Variants in PRKAR1A observed in about 807,000 individuals in gnomAD.
PRKAR1A encodes protein kinase cAMP-dependent type I regulatory subunit alpha, also known as cAMP-dependent protein kinase type I-alpha regulatory subunit.
A neutral mutation model predicts 52.0 loss-of-function variants in PRKAR1A; 3 were observed. The observed-to-expected ratio is 0.06, with a 90% CI of 0.03 to 0.15. PRKAR1A has a LOEUF of 0.15. PRKAR1A is among the 10% of genes least tolerant of loss of function. PRKAR1A has a pLI of 1.00. For synonymous variants in PRKAR1A, 188 were observed against 168.4 expected (o/e 1.12, Z -0.90); for missense variants, 240 against 477.4 (o/e 0.50, Z 4.63).
intron 11 of PRKAR1A, among the ~76,000 whole-genome samples, chr17:68,542,540 C>A (rs1034817316): frequency 9.2e-5 from 14 of 152,132 alleles, no homozygotes; most frequent in African/African-American, 3.1e-4. Context: ...TATGGTCAGG[C>A]AGACCATGGT....
the PRKAR1A span, among the ~76,000 whole-genome samples, chr17:68,475,987 TTA>T: frequency 1.3e-5 from 2 of 152,126 alleles, no homozygotes; most frequent in Non-Finnish European, 2.9e-5. Context: ...GGGGGGGTTA[TTA>T]TGTTTTGTTG....
the PRKAR1A span, among the ~76,000 whole-genome samples, chr17:68,491,479 G>T: frequency 6.6e-6 from 1 of 152,152 alleles, no homozygotes; most frequent in Admixed American, 6.6e-5. Context: ...GCTGCAAAGG[G>T]GCTGGACTTC....
intron 2 of PRKAR1A, 50 bp from the exon 3 acceptor site, chr17:68,522,706 A>G: frequency 6.3e-7 from 1 of 1,594,564 alleles, no homozygotes; most frequent in South Asian, 1.1e-5. Context: ...TGAGAGTGCC[A>G]GCTTTACATG....
chr17:68,522,875 T>C lies in PRKAR1A; in HGVS notation c.297T>C (p.Ala99=), dbSNP rs1349355906. The change falls in exon 3 of 11, where the codon GCT becomes GCC. Residue 99 remains alanine, a synonymous_variant. Coordinates refer to ENST00000589228, the MANE Select transcript of PRKAR1A (RefSeq NM_002734.5). ...TTAAAGGTAGGAGGCGACGAGGTGC[T>C]ATCAGCGCTGAGGTCTACACGGAGG... The part of the protein sequence containing the change: ...PVVKGRRRRG[A]ISAEVYTEED... 1 of 1,613,474 alleles carries C rather than the reference T, an allele frequency of 6.2e-7. No individual in the cohort carries two copies. Among genetic ancestry groups the C allele is most frequent in the Non-Finnish European group, 8.5e-7 (1 of 1,179,734 alleles).
the PRKAR1A span, among the ~76,000 whole-genome samples, chr17:68,434,346 G>A: frequency 7.5e-4 from 114 of 152,246 alleles, 1 homozygote; most frequent in African/African-American, 2.7e-3. Flanking sequence ...GGACTCTCAC[G>A]GCTGAACTGT....
chr17:68,496,454 C>A, the PRKAR1A span, among the ~76,000 whole-genome samples: 2 of 152,196 alleles, frequency 1.3e-5, no homozygotes, highest in African/African-American at 4.8e-5. Flanking sequence ...TGTGATTACA[C>A]CGGCCACGTC....
intron 9 of PRKAR1A, 101 bp from the exon 10 acceptor site, chr17:68,529,819 G>GC: frequency 9.3e-7 from 1 of 1,077,692 alleles, no homozygotes; most frequent in Non-Finnish European, 1.4e-6. Context: ...TTTATCATAT[G>GC]CACACATTTG....
chr17:68,417,810 C>T, the PRKAR1A span, among the ~76,000 whole-genome samples: 8 of 122,630 alleles, frequency 6.5e-5, no homozygotes, highest in South Asian at 2.7e-4. Context: ...TGCAGTGGCA[C>T]GATCTCGGCT....
the PRKAR1A span, chr17:68,421,653 C>T: frequency 7.1e-7 from 1 of 1,410,290 alleles, no homozygotes. Flanking sequence ...AGCAGTGGAG[C>T]ACCCGGGATT....
intron 10 of PRKAR1A, 87 bp downstream of exon 10, chr17:68,530,088 C>T: frequency 1.4e-5 from 22 of 1,527,638 alleles, no homozygotes; most frequent in Non-Finnish European, 2.0e-5. Context: ...ATTTTGTCTT[C>T]TCCTGAATTT....
At chr17:68,444,676 C>A in the PRKAR1A span, 168 of 1,115,028 alleles carry the variant, frequency 1.5e-4, no homozygotes, top group Admixed American at 2.7e-3. Flanking sequence ...TCATATGAGT[C>A]CTAACTTGAT....
the PRKAR1A span, chr17:68,457,210 G>A: frequency 1.8e-6 from 2 of 1,090,358 alleles, no homozygotes; most frequent in Non-Finnish European, 1.3e-6. Context: ...ATCCCAATGC[G>A]TCCGAAGCAG....
the PRKAR1A span, among the ~76,000 whole-genome samples, chr17:68,434,345 C>A: frequency 6.6e-6 from 1 of 152,194 alleles, no homozygotes; most frequent in Non-Finnish European, 1.5e-5. Flanking sequence ...GGGACTCTCA[C>A]GGCTGAACTG....
At chr17:68,459,049 G>A in the PRKAR1A span, among the ~76,000 whole-genome samples, 2 of 152,272 alleles carry the variant, frequency 1.3e-5, no homozygotes, top group African/African-American at 4.8e-5. Flanking sequence ...AGATGCAAAT[G>A]TAACAGTTTC....
the PRKAR1A span, among the ~76,000 whole-genome samples, chr17:68,437,972 A>C: frequency 6.9e-6 from 1 of 144,256 alleles, no homozygotes; most frequent in Non-Finnish European, 1.5e-5. Context: ...AAAAAAAAAA[A>C]AGTGACTGGC....
chr17:68,421,337 A>T, the PRKAR1A span: 1 of 162,926 alleles, frequency 6.1e-6, no homozygotes, highest in Admixed American at 5.9e-5. Flanking sequence ...GTAATAAATG[A>T]TTTATTCCAG....
At chr17:68,500,053 G>T in the PRKAR1A span, among the ~76,000 whole-genome samples, 1 of 152,164 alleles carries the variant, frequency 6.6e-6, no homozygotes, top group African/African-American at 2.4e-5. Context: ...TGCAAACAAA[G>T]AAACATAACC....
At chr17:68,538,280 G>C (rs1353902197), downstream of PRKAR1A, among the ~76,000 whole-genome samples, 1 of 152,202 alleles carries the variant, frequency 6.6e-6, no homozygotes, top group Non-Finnish European at 1.5e-5. Flanking sequence ...ACTCTGATGT[G>C]TAAGCAGCTT....
At position 68,550,369 on chromosome 17, in the gene PRKAR1A, C is replaced by CTTTTTTTTT. The variant is rs747654899; in HGVS notation, c.974-696_974-688dup. ...CTTTCACATAGGAAAAATGGGGGAA[C>CTTTTTTTTT]TTTTTTTTTTTTTTTTTTTTTTTTT... On this transcript the variant is annotated intron_variant, in intron 11 of 11. Transcript: ENST00000585981. Among the ~76,000 whole-genome samples the CTTTTTTTTT allele has an allele frequency of 2.5e-5, 2 of 79,390 alleles. 1 individual carries two copies. Among genetic ancestry groups the CTTTTTTTTT allele is most frequent in the East Asian group, 9.3e-4 (2 of 2,144 alleles). The allele number at this position is 79,390 out of a possible 152,430, so 52.1% of individuals were successfully genotyped here.
Sources: gnomAD v4.1 joint callset for allele counts (sites outside exome capture counted in the v4.1 genomes callset) on GRCh38, gnomAD v4.1.1 for gene constraint, MANE v1.5 for transcripts, NCBI Gene and HGNC (gene_info 2026-07-23, HGNC 2026-07-21) for gene names.